Variants in DENND1B observed in about 807,000 individuals in gnomAD.
DENND1B encodes the protein DENN domain-containing protein 1B.
Under a neutral mutation model 90.1 loss-of-function variants are expected in DENND1B, and 59 were observed. The ratio of observed to expected loss-of-function variants is 0.65; its 90% confidence interval spans 0.53 to 0.81. The LOEUF (loss-of-function observed/expected upper bound fraction) is 0.81, where lower values mean the gene tolerates loss of function less well. Ranked by LOEUF, DENND1B falls within the 40% of genes least tolerant of loss-of-function variation. The pLI, the probability that DENND1B is intolerant of heterozygous loss-of-function variation, is 0.00. For synonymous variants in DENND1B, 337 were observed against 324.6 expected, an observed-to-expected ratio of 1.04 and a Z score of -0.41; for missense variants, 862 against 912.6, an observed-to-expected ratio of 0.94 and a Z score of 0.71.
chr1:197,670,186 G>A (rs1223485407), intron 5 of DENND1B, among the ~76,000 whole-genome samples: 2 of 151,956 alleles, frequency 1.3e-5, no homozygotes, highest in African/African-American at 4.8e-5. Context: ...AAATTCCTAA[G>A]AATATTTATT....
chr1:197,642,608 G>A (rs1171912328), intron 10 of DENND1B, 103 bp downstream of exon 10: 1 of 702,870 alleles, frequency 1.4e-6, no homozygotes, highest in Admixed American at 3.2e-5. Context: ...TGTAGATATT[G>A]TCTTATAAGT....
chr1:197,506,271 A>G lies in DENND1B; in HGVS notation c.*4189T>C, dbSNP rs1205389703. 2.6e-5 allele frequency: 4 copies of G among 151,578 alleles called. No individual in the cohort carries two copies. Among genetic ancestry groups the G allele is most frequent in the Non-Finnish European group, 5.9e-5 (4 of 67,638 alleles). The allele number at this position is 151,578 out of a possible 1,614,324, so 9.4% of individuals were successfully genotyped here. On this transcript the variant is annotated 3_prime_UTR_variant, in exon 23 of 23. Coordinates refer to ENST00000620048, the MANE Select transcript of DENND1B (RefSeq NM_001195215.2). ...TAATTCCTTATTTCTTCATCAAATC[A>G]CGTTAACTGACTTGCTCAAAACCAC...
chr1:197,561,703 G>T (rs115851361), intron 15 of DENND1B, among the ~76,000 whole-genome samples: 11 of 151,676 alleles, frequency 7.3e-5, no homozygotes, highest in African/African-American at 2.4e-4. Context: ...TCTTCTTGAC[G>T]AAATCATCTT....
At position 197,540,961 on chromosome 1, in the gene DENND1B, T is replaced by G. The variant is rs1472011736; in HGVS notation, c.1405A>C (p.Lys469Gln). 2.5e-6 allele frequency: 4 copies of G among 1,611,718 alleles called. No homozygotes were observed. Among genetic ancestry groups the G allele is most frequent in the Non-Finnish European group, 3.4e-6 (4 of 1,178,812 alleles). Residue 469 changes from lysine to glutamine, a missense_variant and splice_region_variant, in exon 19 of 23, where the codon AAG (lysine) becomes CAG (glutamine). Transcript: ENST00000620048. ...GGAAAAAAATGAATATGACATACCT[T>G]GTGTTTTAGTTTACTCTTCACTTCC... ...LKEVKSKLKH[K>Q]ENEEDYGTCS...
chr1:197,575,011 T>C lies in DENND1B; in HGVS notation c.1149+8141A>G, dbSNP rs528654308. The stretch of plus-strand genomic sequence containing the variant: ...ACCCTAGAAAACCTAGGCAATACCA[T>C]TCAGGACATAGGCATGGGCAAGGAC... On this transcript the variant is annotated intron_variant, in intron 15 of 22. Coordinates refer to ENST00000620048, the MANE Select transcript of DENND1B (RefSeq NM_001195215.2). 3.9e-5 allele frequency among the ~76,000 whole-genome samples: 6 copies of C among 152,254 alleles called. No homozygotes were observed. In the East Asian group the frequency reaches 1.2e-3, roughly 29 times the overall value.
chr1:197,597,437 A>T (rs1336641933), intron 13 of DENND1B, among the ~76,000 whole-genome samples: 2 of 151,794 alleles, frequency 1.3e-5, no homozygotes, highest in African/African-American at 2.4e-5. Flanking sequence ...AATAAAAAAA[A>T]ATTAAAATGC....
intron 5 of DENND1B, among the ~76,000 whole-genome samples, chr1:197,671,347 C>G (rs1655484294): frequency 6.6e-6 from 1 of 152,108 alleles, no homozygotes; most frequent in Admixed American, 6.6e-5. Context: ...AGTCCACAGG[C>G]AGGAGACATA....
chr1:197,620,302 A>T (rs1174379383), intron 10 of DENND1B, among the ~76,000 whole-genome samples: 1 of 151,376 alleles, frequency 6.6e-6, no homozygotes, highest in Non-Finnish European at 1.5e-5. Context: ...ACACATTCAT[A>T]TGTAAATTGC....
intron 15 of DENND1B, among the ~76,000 whole-genome samples, chr1:197,576,976 C>A (rs1673738281): frequency 6.6e-6 from 1 of 152,030 alleles, no homozygotes; most frequent in Admixed American, 6.6e-5. Flanking sequence ...GGCCTATATT[C>A]ATGGAGAGCC....
intron 7 of DENND1B, 83 bp downstream of exon 7, chr1:197,652,152 G>C (rs1270533407): frequency 9.3e-7 from 1 of 1,077,676 alleles, no homozygotes; most frequent in African/African-American, 1.6e-5. Context: ...ACTTGGTAAA[G>C]AATTGCCTGA....
At chr1:197,641,151 T>C (rs1226161876) in intron 10 of DENND1B, among the ~76,000 whole-genome samples, 1 of 152,228 alleles carries the variant, frequency 6.6e-6, no homozygotes, top group Non-Finnish European at 1.5e-5. Flanking sequence ...GCCTGGCACA[T>C]AGTATGTGCC....
intron 2 of DENND1B, among the ~76,000 whole-genome samples, chr1:197,722,965 C>A (rs1268665328): frequency 6.6e-6 from 1 of 152,030 alleles, no homozygotes; most frequent in African/African-American, 2.4e-5. Context: ...ATCAAACTAG[C>A]ACTTTAAAAT....
At chr1:197,597,257 C>T (rs1349217905) in intron 13 of DENND1B, among the ~76,000 whole-genome samples, 2 of 151,646 alleles carry the variant, frequency 1.3e-5, no homozygotes. Context: ...ACTTCTAATG[C>T]TACTTTTAAG....
At chr1:197,547,086 G>A (rs566989791) in intron 16 of DENND1B, among the ~76,000 whole-genome samples, 160 of 152,242 alleles carry the variant, frequency 1.1e-3, no homozygotes, top group South Asian at 2.7e-3. Context: ...CTAAGTCGCA[G>A]GGGTAAAAAG....
chr1:197,624,597 A>C (rs1476882022), intron 10 of DENND1B, among the ~76,000 whole-genome samples: 1 of 151,792 alleles, frequency 6.6e-6, no homozygotes, highest in African/African-American at 2.4e-5. Flanking sequence ...GGAAACTCTA[A>C]AAAGCAGAGC....
chr1:197,716,858 A>C (rs1660692218), intron 2 of DENND1B, among the ~76,000 whole-genome samples: 1 of 151,958 alleles, frequency 6.6e-6, no homozygotes, highest in African/African-American at 2.4e-5. Context: ...AAGTATACTT[A>C]TGTTATTGAA....
intron 5 of DENND1B, among the ~76,000 whole-genome samples, chr1:197,658,982 C>CAA (rs1558368055): frequency 6.7e-6 from 1 of 150,284 alleles, no homozygotes; most frequent in Non-Finnish European, 1.5e-5. Flanking sequence ...ATATTAAATC[C>CAA]AAAAATCATT....
chr1:197,547,317 A>G (rs1414262951), intron 16 of DENND1B, among the ~76,000 whole-genome samples: 1 of 151,916 alleles, frequency 6.6e-6, no homozygotes, highest in East Asian at 1.9e-4. Context: ...TATCCAATAC[A>G]AAGAACCCCT....
chr1:197,654,993 G>C (rs925036082), intron 6 of DENND1B, among the ~76,000 whole-genome samples: 1 of 152,054 alleles, frequency 6.6e-6, no homozygotes, highest in Non-Finnish European at 1.5e-5. Context: ...ACTATGCCCA[G>C]GAGGATATTT....
Sources: allele counts gnomAD v4.1 joint callset (sites outside exome capture counted in the v4.1 genomes callset), GRCh38; gene constraint gnomAD v4.1.1; transcripts MANE v1.5; gene names NCBI Gene and HGNC (gene_info 2026-07-23, HGNC 2026-07-21).